LMBRD2: variants seen among roughly 807,000 people sequenced by gnomAD.
The protein encoded by LMBRD2 is G protein-coupled receptor-associated protein LMBRD2.
LMBRD2 carries 55 observed loss-of-function variants against 94.4 expected under a neutral mutation model. The ratio of observed to expected loss-of-function variants is 0.58; its 90% CI spans 0.47 to 0.73. LMBRD2 has a LOEUF of 0.73. Ranked by LOEUF, LMBRD2 falls within the 30% of genes least tolerant of loss-of-function variation. The pLI, the probability that LMBRD2 is intolerant of heterozygous loss-of-function variation, is 0.00. For synonymous variants in LMBRD2, 246 were observed against 272.4 expected, an observed-to-expected ratio of 0.90 and a Z score of 0.95; for missense variants, 640 against 831.9, an observed-to-expected ratio of 0.77 and a Z score of 2.84.
intron 4 of LMBRD2, among the ~76,000 whole-genome samples, chr5:36,139,986 C>A (rs1053894450): frequency 6.6e-6 from 1 of 152,236 alleles, no homozygotes; most frequent in African/African-American, 2.4e-5. Flanking sequence ...CATGGCCCTG[C>A]CACTTGCCAT....
Position 36,117,832 on chromosome 5 carries a change from C to T in LMBRD2, c.1205G>A (p.Trp402Ter). Residue 402 changes from tryptophan to a stop codon, truncating the protein, a stop_gained, in exon 10 of 18, where the codon TGG becomes TAG. Transcript: ENST00000296603. LOFTEE classifies it high-confidence loss of function. The stretch of plus-strand genomic sequence containing the variant: ...AGTGCTAAAGAATGTGCACTCTGAC[C>T]ACACAACAATCACAGAGAAGATGGA... Reference protein sequence around the residue: ...VLSIFSVIVVWSECTFFSTTP... With the variant: ...VLSIFSVIVV 2 of 1,613,764 alleles carry T rather than the reference C, an allele frequency of 1.2e-6. No homozygotes were observed. The highest frequency in any genetic ancestry group is 1.7e-6 in the Non-Finnish European group (2 of 1,179,790).
intron 4 of LMBRD2, among the ~76,000 whole-genome samples, chr5:36,138,766 G>A (rs931689989): frequency 2.0e-5 from 3 of 152,242 alleles, no homozygotes; most frequent in African/African-American, 7.2e-5. Flanking sequence ...AAGCTGGAAA[G>A]GAATCTGAAT....
In LMBRD2 at chr5:36,102,972, T is replaced by C. The variant is rs1229777191; in HGVS notation, c.*1074A>G. 1 of 151,864 alleles carries C rather than the reference T, an allele frequency of 6.6e-6. No homozygotes were observed. Among genetic ancestry groups the C allele is most frequent in the Non-Finnish European group, 1.5e-5 (1 of 67,796 alleles). 9.4% of individuals were successfully genotyped at this position (151,864 alleles called of 1,614,324 possible). On this transcript the variant is annotated 3_prime_UTR_variant, in exon 18 of 18. Transcript: ENST00000296603. ...AAAACACTAGTGCTTTAAAATATAA[T>C]ACATAAATTTATCTTAAACACAAAG...
rs1338795993 is a variant in LMBRD2 at position 36,102,372 on chromosome 5, A to G, written c.*1674T>C. ...AAGAGCTACATGATTTGCCAAAGGT[A>G]TTCAATTAGTCAATCATTAAATTAC... On this transcript the variant is annotated 3_prime_UTR_variant, in exon 18 of 18. Transcript: ENST00000296603. The G allele has an allele frequency of 6.6e-6, 1 of 151,902 alleles. No individual in the cohort carries two copies. The highest frequency in any genetic ancestry group is 1.5e-5 in the Non-Finnish European group (1 of 67,826). The allele number at this position is 151,902 out of a possible 1,614,324, so 9.4% of individuals were successfully genotyped here.
chr5:36,120,187 T>A (rs1743856526), intron 9 of LMBRD2, among the ~76,000 whole-genome samples: 1 of 151,902 alleles, frequency 6.6e-6, no homozygotes, highest in Non-Finnish European at 1.5e-5. Flanking sequence ...GTCTCCCAAG[T>A]AGCTGGGACT....
Position 36,143,338 on chromosome 5 carries a change from T to A in LMBRD2, c.12A>T (p.Ala4=). The A allele has an allele frequency of 6.2e-7, 1 of 1,613,072 alleles. No homozygotes were observed. The highest frequency in any genetic ancestry group is 8.5e-7 in the Non-Finnish European group (1 of 1,179,396). Residue 4 remains alanine, a synonymous_variant, in exon 2 of 18, where the codon GCA becomes GCT. Transcript: ENST00000296603. MSG[A]ALGLEIVFVF... ...CAAAAACAATCTCAAGTCCCAAAGCTGCACCACTCATTATTGAATATTTCA... is the reference window on the plus strand; with the variant it reads ...CAAAAACAATCTCAAGTCCCAAAGCAGCACCACTCATTATTGAATATTTCA...
Position 36,151,338 on chromosome 5 carries a change from C to T in LMBRD2, c.-58+218G>A, listed in dbSNP as rs1744704422. ...AGGCTGCAAGGGCATGCGCAGCCTT[C>T]CCACCACACAGGACCCGCTGGGGTC... On this transcript the variant is annotated intron_variant, in intron 1 of 17. Coordinates refer to ENST00000296603, the MANE Select transcript of LMBRD2 (RefSeq NM_001007527.2). This position sits in a 1 kb window ranked among gnomAD's most constrained non-coding sequence, Gnocchi z 4.7. Among the ~76,000 whole-genome samples the T allele has an allele frequency of 6.6e-6, 1 of 152,198 alleles. No individual in the cohort carries two copies. Among genetic ancestry groups the T allele is most frequent in the African/African-American group, 2.4e-5 (1 of 41,464 alleles).
chr5:36,115,038 T>C lies in LMBRD2; in HGVS notation c.1519A>G (p.Thr507Ala). 6.2e-7 allele frequency: 1 copy of C among 1,608,346 alleles called. No individual in the cohort carries two copies. The highest frequency in any genetic ancestry group is 8.5e-7 in the Non-Finnish European group (1 of 1,175,430). Residue 507 changes from threonine to alanine, a missense_variant, in exon 12 of 18, where the codon ACT (threonine) becomes GCT (alanine). Thr to Ala is a moderately conservative substitution (Grantham distance 58, BLOSUM62 0). This residue lies in a region of LMBRD2 where 457 missense variants were observed against 642.8 expected (regional missense o/e 0.71). Coordinates refer to ENST00000296603, the MANE Select transcript of LMBRD2 (RefSeq NM_001007527.2). ...HMDSSISHKN[T>A]QPTAYTSIMG... ...ACAGATGTATAAGCAGTTGGTTGAGTATTCTTGTGAGAGATAGATGAATCC... is the reference window on the plus strand; with the variant it reads ...ACAGATGTATAAGCAGTTGGTTGAGCATTCTTGTGAGAGATAGATGAATCC...
At chr5:36,134,716 AC>A (rs1744228945) in intron 6 of LMBRD2, among the ~76,000 whole-genome samples, 1 of 152,102 alleles carries the variant, frequency 6.6e-6, no homozygotes, top group African/African-American at 2.4e-5. Context: ...CCCTGCAGAT[AC>A]CTTAATCTTG....
chr5:36,114,479 A>G lies in LMBRD2; in HGVS notation c.1585T>C (p.Phe529Leu). 6.4e-7 allele frequency: 1 copy of G among 1,570,284 alleles called. No individual in the cohort carries two copies. The highest frequency in any genetic ancestry group is 1.4e-5 in the African/African-American group (1 of 71,774). Residue 529 changes from phenylalanine to leucine, a missense_variant, in exon 13 of 18, where the codon TTC becomes CTC. Physicochemically the swap from Phe to Leu is conservative, Grantham distance 22. Coordinates refer to ENST00000296603, the MANE Select transcript of LMBRD2 (RefSeq NM_001007527.2). ...MKVLSFIADG[F>L]YIYYPMLVVI... ...ACCAACATAGGATAATATATATAGA[A>G]TCCATCTGCAATAAAGGATAAAACT...
intron 8 of LMBRD2, 27 bp from the exon 9 acceptor site, chr5:36,122,490 G>A: frequency 6.3e-6 from 10 of 1,588,144 alleles, no homozygotes; most frequent in Non-Finnish European, 8.6e-6. Flanking sequence ...GGGTAGACCT[G>A]GCAGTGTTCT....
intron 6 of LMBRD2, among the ~76,000 whole-genome samples, chr5:36,130,187 A>G (rs543987577): frequency 1.4e-3 from 217 of 152,304 alleles, no homozygotes; most frequent in Non-Finnish European, 2.5e-3. Flanking sequence ...AAAGTATAAT[A>G]ATAATAAAAT....
At chr5:36,109,906 A>G (rs756043677) in intron 15 of LMBRD2, 39 bp downstream of exon 15, 3 of 1,428,978 alleles carry the variant, frequency 2.1e-6, no homozygotes, top group Middle Eastern at 1.8e-4. Flanking sequence ...TTAAATTTCA[A>G]ATTAATCTTC....
chr5:36,111,430 T>G (rs1046566825), intron 13 of LMBRD2, among the ~76,000 whole-genome samples, 172 bp from the exon 14 acceptor site: 8 of 152,074 alleles, frequency 5.3e-5, no homozygotes, highest in Non-Finnish European at 1.2e-4. Context: ...CTTATCTCCC[T>G]TTCTAAGAAG....
chr5:36,102,629 G>A lies in LMBRD2; in HGVS notation c.*1417C>T, dbSNP rs143415028. 2.0e-5 allele frequency: 3 copies of A among 151,274 alleles called. No individual in the cohort carries two copies. The East Asian group carries it at 5.8e-4, about 29-fold the overall frequency. The allele number at this position is 151,274 out of a possible 1,614,324, so 9.4% of individuals were successfully genotyped here. A position where few individuals can be genotyped will look rare whatever the true frequency, so the allele number is the denominator to read the frequency against. On this transcript the variant is annotated 3_prime_UTR_variant, in exon 18 of 18. Transcript: ENST00000296603. ...CTCTATTCCTTTCAATATCTGCATAGAGCTGTGTTTTAAAAAAAAACTTAC... is the reference window on the plus strand; with the variant it reads ...CTCTATTCCTTTCAATATCTGCATAAAGCTGTGTTTTAAAAAAAAACTTAC...
chr5:36,115,029 T>A lies in LMBRD2; in HGVS notation c.1528A>T (p.Thr510Ser). The A allele has an allele frequency of 6.3e-7, 1 of 1,593,258 alleles. No homozygotes were observed. Among genetic ancestry groups the A allele is most frequent in the Non-Finnish European group, 8.6e-7 (1 of 1,161,950 alleles). Residue 510 changes from threonine to serine, a missense_variant, in exon 12 of 18, where the codon ACT becomes TCT. Thr to Ser is a moderately conservative substitution (Grantham distance 58). Transcript: ENST00000296603. Reference protein sequence around the residue: ...SSISHKNTQPTAYTSIMGSMK... With the variant: ...SSISHKNTQPSAYTSIMGSMK... The stretch of plus-strand genomic sequence containing the variant: ...ACCGTACTTACAGATGTATAAGCAG[T>A]TGGTTGAGTATTCTTGTGAGAGATA...
intron 17 of LMBRD2, 150 bp downstream of exon 17, chr5:36,104,918 A>AT (rs1217056349): frequency 4.3e-6 from 3 of 701,236 alleles, no homozygotes; most frequent in Non-Finnish European, 6.8e-6. Flanking sequence ...TACTTAATAT[A>AT]TTTTTTATTG....
At chr5:36,104,252 C>G (rs983619441) in intron 17 of LMBRD2, 146 bp from the exon 18 acceptor site, 8 of 637,482 alleles carry the variant, frequency 1.3e-5, no homozygotes, top group African/African-American at 9.3e-5. Flanking sequence ...AACTTACCCT[C>G]CAAGTATATT....
At chr5:36,122,569 G>A in intron 8 of LMBRD2, 106 bp from the exon 9 acceptor site, 3 of 1,013,784 alleles carry the variant, frequency 3.0e-6, no homozygotes, top group Non-Finnish European at 4.4e-6. Context: ...GAAAGTGCTA[G>A]GGCATTTACT....
Sources: gnomAD v4.1 joint callset for allele counts (sites outside exome capture counted in the v4.1 genomes callset) on GRCh38, gnomAD v4.1.1 for gene constraint, gnomAD v4.1.1 regional missense constraint, Gnocchi (gnomAD v3.1) non-coding constraint, MANE v1.5 for transcripts, NCBI Gene and HGNC (gene_info 2026-07-23, HGNC 2026-07-21) for gene names.